The following GSDME variants were observed in gnomAD, a reference collection of about 807,000 sequenced individuals.
GSDME encodes the protein gasdermin E.
A neutral mutation model predicts 47.5 loss-of-function variants in GSDME; 44 were observed. The observed-to-expected ratio is 0.93, with a 90% confidence interval of 0.73 to 1.19. GSDME has a LOEUF of 1.19. Ranked by LOEUF, GSDME falls within the 50% of genes most tolerant of loss-of-function variation. The probability of loss-of-function intolerance (pLI) is 0.00; values close to 1 mark genes in which losing one functional copy is unlikely to be tolerated. For missense variants in GSDME, 663 were observed against 604.2 expected (o/e 1.10, Z -1.02); for synonymous variants, 258 against 252.8 (o/e 1.02, Z -0.20).
At chr7:24,723,762 T>G (rs922949334) in intron 3 of GSDME, among the ~76,000 whole-genome samples, 1 of 152,256 alleles carries the variant, frequency 6.6e-6, no homozygotes, top group African/African-American at 2.4e-5. Context: ...GTACTAGGAA[T>G]TGAATCTTCA....
rs1463843630 is a variant in GSDME, at chr7:24,725,649, A to T, written c.405-6431T>A. Among the ~76,000 whole-genome samples, 1 of 152,194 alleles carries T rather than the reference A, an allele frequency of 6.6e-6. No individual in the cohort carries two copies. The highest frequency in any genetic ancestry group is 1.5e-5 in the Non-Finnish European group (1 of 68,042). On this transcript the variant is annotated intron_variant, in intron 3 of 9. Coordinates refer to ENST00000645220, the MANE Select transcript of GSDME (RefSeq NM_001127453.2). The surrounding 1 kb of genome is among the most constrained non-coding windows in gnomAD (Gnocchi z 5.1). ...CTGGGGGCTGCATGCTCTGCTAATC[A>T]GATTGGAACAAAATAGGATGGGGAT...
At chr7:24,789,979 T>C in the GSDME span, among the ~76,000 whole-genome samples, 16,946 of 152,216 alleles carry the variant, frequency 0.11, 1,130 homozygotes, top group Middle Eastern at 0.2. Flanking sequence ...ATAAGAGTTT[T>C]AAATCCTCCT....
the GSDME span, among the ~76,000 whole-genome samples, chr7:24,768,757 A>G: frequency 6.6e-6 from 1 of 152,256 alleles, no homozygotes; most frequent in African/African-American, 2.4e-5. This position sits in a 1 kb window ranked among gnomAD's most constrained non-coding sequence, Gnocchi z 5.6. Flanking sequence ...TGGTTCACCA[A>G]ATTAATTTGC....
rs939624250 is a variant in GSDME at position 24,756,964 on chromosome 7, G to C, written c.-20+432C>G. On this transcript the variant is annotated intron_variant, in intron 1 of 9. Coordinates refer to ENST00000645220, the MANE Select transcript of GSDME (RefSeq NM_001127453.2). This position sits in a 1 kb window ranked among gnomAD's most constrained non-coding sequence, Gnocchi z 4.2. ...TCCGCCTCCCTGCACACACGCCCCCGAGCCGGGAGAGCCTCCGCAGCACCC... is the reference window on the plus strand; with the variant it reads ...TCCGCCTCCCTGCACACACGCCCCCCAGCCGGGAGAGCCTCCGCAGCACCC... 2.9e-4 allele frequency among the ~76,000 whole-genome samples: 44 copies of C among 152,080 alleles called. No individual in the cohort carries two copies. Among genetic ancestry groups the C allele is most frequent in the Non-Finnish European group, 2.1e-4 (14 of 68,018 alleles).
Position 24,725,774 on chromosome 7 carries a change from G to A in GSDME, c.405-6556C>T, listed in dbSNP as rs573489447. ...ACGACCAGGCCCAGGGTGTGACGCC[G>A]GGCTGTCTGCTTGTGGATTTCATTT... is the stretch of plus-strand genomic sequence containing the variant. On this transcript the variant is annotated intron_variant, in intron 3 of 9. Transcript: ENST00000645220. The surrounding 1 kb of genome is among the most constrained non-coding windows in gnomAD (Gnocchi z 5.1). Among the ~76,000 whole-genome samples, 3 of 152,208 alleles carry A rather than the reference G, an allele frequency of 2.0e-5. No homozygotes were observed. Among genetic ancestry groups the A allele is most frequent in the African/African-American group, 4.8e-5 (2 of 41,536 alleles).
At chr7:24,723,848 G>C (rs118039784) in intron 3 of GSDME, among the ~76,000 whole-genome samples, 1 of 152,180 alleles carries the variant, frequency 6.6e-6, no homozygotes, top group Non-Finnish European at 1.5e-5. Context: ...CCAGTAGATG[G>C]AGGCTGGAAA....
At chr7:24,703,650 C>T (rs1479648168) in intron 8 of GSDME, 2 of 153,140 alleles carry the variant, frequency 1.3e-5, no homozygotes, top group African/African-American at 4.8e-5. Flanking sequence ...TGTTAGCAGC[C>T]TTATTTGTAA....
chr7:24,710,628 A>G (rs377221057), intron 5 of GSDME: 1 of 543,718 alleles, frequency 1.8e-6, no homozygotes, highest in East Asian at 3.2e-5. Context: ...CCTAATATAT[A>G]TTCTCTGAAC....
the GSDME span, among the ~76,000 whole-genome samples, chr7:24,786,395 C>T: frequency 2.0e-5 from 3 of 152,236 alleles, no homozygotes; most frequent in Non-Finnish European, 4.4e-5. This position sits in a 1 kb window ranked among gnomAD's most constrained non-coding sequence, Gnocchi z 5.5. Flanking sequence ...CCCTTGGAAA[C>T]ATGCAGACAC....
At chr7:24,709,238 C>T (rs539183544) in intron 6 of GSDME, among the ~76,000 whole-genome samples, 9 of 152,170 alleles carry the variant, frequency 5.9e-5, no homozygotes, top group African/African-American at 1.7e-4. Flanking sequence ...ATGGCCAACT[C>T]GAAGGGTGGG....
intron 3 of GSDME, among the ~76,000 whole-genome samples, chr7:24,722,970 G>C (rs1474691478): frequency 6.6e-6 from 1 of 152,118 alleles, no homozygotes; most frequent in Non-Finnish European, 1.5e-5. Flanking sequence ...GCTAGGATTC[G>C]GGTGACCAGA....
Position 24,744,984 on chromosome 7 carries a change from CGT to C in GSDME, c.212-232_212-231del, listed in dbSNP as rs3038357. On this transcript the variant is annotated intron_variant, in intron 2 of 9. Transcript: ENST00000645220. The surrounding 1 kb of genome is among the most constrained non-coding windows in gnomAD (Gnocchi z 4.5). ...GGGCACACAGTGGACCAGTGCAGCA[CGT>C]GTGTGTGTGTGTGTGTGTGTGTGTG... is the stretch of plus-strand genomic sequence containing the variant. Among the ~76,000 whole-genome samples the C allele has an allele frequency of 0.12, 13,997 of 118,664 alleles. 903 individuals carry two copies. Among genetic ancestry groups the C allele is most frequent in the Non-Finnish European group, 0.15 (8,534 of 56,098 alleles). 77.8% of individuals were successfully genotyped at this position (118,664 alleles called of 152,430 possible).
rs375277327 is a variant in GSDME, at chr7:24,699,137, C to G, written c.1380G>C (p.Glu460Asp). 2 of 1,613,810 alleles carry G rather than the reference C, an allele frequency of 1.2e-6. No homozygotes were observed. The highest frequency in any genetic ancestry group is 3.3e-5 in the Admixed American group (2 of 60,008). ...CAGCTTTCACAGATGACTTCAGTCTCTCCAGACTAATGTCAGCTGAGGCAA... is the reference window on the plus strand; with the variant it reads ...CAGCTTTCACAGATGACTTCAGTCTGTCCAGACTAATGTCAGCTGAGGCAA... ...RLFASADISL[E>D]RLKSSVKAVI... Residue 460 changes from glutamate (E) to aspartate (D), a missense_variant, in exon 10 of 10, where the codon GAG becomes GAC. By Grantham distance (45) the Glu-to-Asp change is conservative. Transcript: ENST00000645220.
At chr7:24,708,046 T>A in intron 7 of GSDME, 81 bp downstream of exon 7, 1 of 1,578,894 alleles carries the variant, frequency 6.3e-7, no homozygotes, top group South Asian at 1.1e-5. Context: ...GGGGGAACCT[T>A]TAACACAATT....
Position 24,733,584 on chromosome 7 carries a change from C to T in GSDME, c.404+10978G>A, listed in dbSNP as rs1790211505. Among the ~76,000 whole-genome samples the T allele has an allele frequency of 6.6e-6, 1 of 152,150 alleles. No homozygotes were observed. Among genetic ancestry groups the T allele is most frequent in the Non-Finnish European group, 1.5e-5 (1 of 68,034 alleles). On this transcript the variant is annotated intron_variant, in intron 3 of 9. Transcript: ENST00000645220. The surrounding 1 kb of genome is among the most constrained non-coding windows in gnomAD (Gnocchi z 4.3). ...AGTGCGTCTCAAACCTGCCAGCATT[C>T]ACCACAAGCTGACTAAAGAGCCCCT... is the stretch of plus-strand genomic sequence containing the variant.
the GSDME span, among the ~76,000 whole-genome samples, chr7:24,792,301 T>C: frequency 2.0e-5 from 3 of 152,340 alleles, no homozygotes; most frequent in Admixed American, 2.0e-4. Flanking sequence ...TGCTCTTTAA[T>C]GGTCCACAGA....
intron 7 of GSDME, chr7:24,707,576 G>A (rs756050672): frequency 8.1e-6 from 3 of 369,368 alleles, no homozygotes; most frequent in Non-Finnish European, 1.6e-5. Flanking sequence ...CGTGACCTTA[G>A]TCTTTGCAGA....
intron 1 of GSDME, among the ~76,000 whole-genome samples, chr7:24,750,443 T>A (rs559725024): frequency 9.9e-5 from 15 of 152,224 alleles, no homozygotes; most frequent in Admixed American, 5.9e-4. Flanking sequence ...ATAGCAAAAC[T>A]CCAAATTAAA....
At chr7:24,771,064 A>C in the GSDME span, among the ~76,000 whole-genome samples, 1 of 152,158 alleles carries the variant, frequency 6.6e-6, no homozygotes. This position sits in a 1 kb window ranked among gnomAD's most constrained non-coding sequence, Gnocchi z 4.1. Context: ...AACACCAAGC[A>C]GGATAAATGA....
Sources: gnomAD v4.1 joint callset for allele counts (sites outside exome capture counted in the v4.1 genomes callset) on GRCh38, gnomAD v4.1.1 for gene constraint, Gnocchi (gnomAD v3.1) non-coding constraint, MANE v1.5 for transcripts, NCBI Gene and HGNC (gene_info 2026-07-23, HGNC 2026-07-21) for gene names.